RUFY2: variants seen among roughly 807,000 people sequenced by gnomAD.
The protein encoded by RUFY2 is RUN and FYVE domain containing 2, also known as RUN and FYVE domain-containing protein 2.
Under a neutral mutation model 94.4 loss-of-function variants are expected in RUFY2, and 49 were observed. That is an observed-to-expected ratio of 0.52 (90% CI 0.41 to 0.66). The LOEUF is 0.66. Among genes scored for constraint, RUFY2 ranks in the 30% least tolerant of loss-of-function variants. The pLI is 0.00. For missense variants in RUFY2, 541 were observed against 692.8 expected, an observed-to-expected ratio of 0.78 and a Z score of 2.46; for synonymous variants, 255 against 235.7, an observed-to-expected ratio of 1.08 and a Z score of -0.75.
intron 16 of RUFY2, among the ~76,000 whole-genome samples, chr10:68,347,581 G>C (rs1195844569): frequency 1.3e-5 from 2 of 152,178 alleles, no homozygotes; most frequent in African/African-American, 4.8e-5. Context: ...ACCAGGCCCA[G>C]CCTACTTGAC....
chr10:68,355,451 A>G, intron 15 of RUFY2, 50 bp from the exon 16 acceptor site: 1 of 1,144,140 alleles, frequency 8.7e-7, no homozygotes, highest in South Asian at 1.3e-5. Context: ...ATTTAAATAT[A>G]GAACACTTAG....
intron 13 of RUFY2, among the ~76,000 whole-genome samples, chr10:68,370,138 A>C (rs2048155579): frequency 6.6e-6 from 1 of 152,058 alleles, no homozygotes; most frequent in African/African-American, 2.4e-5. Context: ...ACAAAAAATT[A>C]GCCGGGCATG....
rs150777220 is a variant in RUFY2 at position 68,356,537 on chromosome 10, G to GA, written c.1551-1137dup. Among the ~76,000 whole-genome samples, 1,296 of 151,964 alleles carry GA rather than the reference G, an allele frequency of 8.5e-3. 18 individuals are homozygous for GA. Among genetic ancestry groups the GA allele is most frequent in the African/African-American group, 0.029 (1,212 of 41,480 alleles). ...CAACAAAAAAGAAAATACTGTGGAAGACACAGCTGCAAATACTTTCCCACT... is the reference window on the plus strand; with the variant it reads ...CAACAAAAAAGAAAATACTGTGGAAGAACACAGCTGCAAATACTTTCCCACT... On this transcript the variant is annotated intron_variant, in intron 15 of 17. Coordinates refer to ENST00000602465, the MANE Select transcript of RUFY2 (RefSeq NM_001330103.2).
intron 13 of RUFY2, among the ~76,000 whole-genome samples, chr10:68,372,636 T>C (rs2048359103): frequency 7.0e-6 from 1 of 143,532 alleles, no homozygotes; most frequent in Admixed American, 7.0e-5. Context: ...ACGGCTGTAA[T>C]CCCAGCACTT....
chr10:68,395,073 C>T (rs1277187166), intron 4 of RUFY2, among the ~76,000 whole-genome samples: 1 of 151,950 alleles, frequency 6.6e-6, no homozygotes, highest in African/African-American at 2.4e-5. Flanking sequence ...CACGGTGGCT[C>T]ACGCCTGTAA....
At chr10:68,349,283 A>AGAC (rs534327253) in intron 16 of RUFY2, among the ~76,000 whole-genome samples, 60 of 152,224 alleles carry the variant, frequency 3.9e-4, no homozygotes, top group East Asian at 3.7e-3. Context: ...TGGGAGACTG[A>AGAC]GACGGAAGGA....
chr10:68,396,529 G>A (rs544015558), intron 4 of RUFY2, among the ~76,000 whole-genome samples: 50 of 152,044 alleles, frequency 3.3e-4, no homozygotes, highest in African/African-American at 1.1e-3. Flanking sequence ...TAAACAAAGA[G>A]GAAGAAATGT....
intron 6 of RUFY2, chr10:68,393,728 C>CAA (rs1177351333): frequency 2.1e-3 from 491 of 232,798 alleles, no homozygotes; most frequent in Middle Eastern, 6.1e-3. Context: ...GACTGTGTCT[C>CAA]AAAAAAAAAA....
At chr10:68,376,819 C>T (rs2048715196) in intron 13 of RUFY2, 34 bp downstream of exon 13, 1 of 1,595,934 alleles carries the variant, frequency 6.3e-7, no homozygotes, top group Non-Finnish European at 8.6e-7. Context: ...GTTATGTTAA[C>T]ACAAGTATTT....
intron 15 of RUFY2, among the ~76,000 whole-genome samples, chr10:68,358,694 T>C (rs1195487580): frequency 6.6e-6 from 1 of 152,162 alleles, no homozygotes; most frequent in Non-Finnish European, 1.5e-5. Context: ...ACGGATAACC[T>C]GAGGTCAGGA....
At position 68,394,141 on chromosome 10, in the gene RUFY2, A is replaced by G; in HGVS notation, c.523-5T>C. 6.7e-7 allele frequency: 1 copy of G among 1,486,704 alleles called. No homozygotes were observed. The highest frequency in any genetic ancestry group is 2.6e-5 in the Admixed American group (1 of 39,032). 92.1% of individuals were successfully genotyped at this position (1,486,704 alleles called of 1,614,324 possible). On this transcript the variant is annotated splice_region_variant and splice_polypyrimidine_tract_variant and intron_variant, in intron 5 of 17. Coordinates refer to ENST00000602465, the MANE Select transcript of RUFY2 (RefSeq NM_001330103.2). Reference sequence around the variant, plus strand: ...AGAAAAATCAATCACTCCAACCTGAAGTAAATAAAGTTTTTTTTAATTTAA... The same window carrying G: ...AGAAAAATCAATCACTCCAACCTGAGGTAAATAAAGTTTTTTTTAATTTAA...
rs1290003095 is a variant in RUFY2 at position 68,355,361 on chromosome 10, C to T, written c.1591G>A (p.Ala531Thr). ...KIEDIKEANK[A>T]LQGLVWLKDK... is the part of the protein sequence containing the mutation. ...GAAAACGTTCTACTCACCTGCAATG[C>T]TTTGTTGGCTTCTTTTATGTCTTCA... The change falls in exon 16 of 18, where the codon GCA becomes ACA. Residue 531 changes from alanine to threonine, a missense_variant. Around this residue, in one of 3 missense-constraint regions of RUFY2, gnomAD observed 403 missense variants for 480.7 expected, o/e 0.84. Transcript: ENST00000602465. 6.2e-7 allele frequency: 1 copy of T among 1,611,366 alleles called. No individual in the cohort carries two copies. The highest frequency in any genetic ancestry group is 8.5e-7 in the Non-Finnish European group (1 of 1,178,118).
intron 3 of RUFY2, among the ~76,000 whole-genome samples, chr10:68,400,869 C>T (rs941690489): frequency 3.8e-4 from 57 of 151,748 alleles, no homozygotes; most frequent in Non-Finnish European, 6.8e-4. Flanking sequence ...AAAAATTAGC[C>T]GGGCGTGGTG....
chr10:68,348,518 A>AG lies in RUFY2; in HGVS notation c.1600-2435dup, dbSNP rs543833278. Among the ~76,000 whole-genome samples the AG allele has an allele frequency of 8.9e-3, 1,227 of 138,066 alleles. 19 individuals carry two copies. Among genetic ancestry groups the AG allele is most frequent in the African/African-American group, 0.032 (1,108 of 34,168 alleles). 90.6% of individuals were successfully genotyped at this position (138,066 alleles called of 152,430 possible). On this transcript the variant is annotated intron_variant, in intron 16 of 17. Transcript: ENST00000602465. ...GGAAACAGAGGAAACTCTGTCTCTG[A>AG]GGGGAAAAAAAAAAAAAGGCAGCAG...
intron 7 of RUFY2, among the ~76,000 whole-genome samples, chr10:68,392,609 A>G (rs1213442566): frequency 6.6e-6 from 1 of 151,948 alleles, no homozygotes; most frequent in Non-Finnish European, 1.5e-5. Flanking sequence ...TTTAAATCTG[A>G]TGAAGATTCT....
At chr10:68,360,506 G>A (rs1205990861) in intron 15 of RUFY2, among the ~76,000 whole-genome samples, 1 of 152,066 alleles carries the variant, frequency 6.6e-6, no homozygotes, top group Non-Finnish European at 1.5e-5. Flanking sequence ...CACTTTGGGA[G>A]GCCGAGGCGG....
chr10:68,363,606 C>G lies in RUFY2; in HGVS notation c.1534G>C (p.Gly512Arg). 6.2e-7 allele frequency: 1 copy of G among 1,600,210 alleles called. No individual in the cohort carries two copies. Residue 512 changes from glycine to arginine, a missense_variant, in exon 15 of 18, where the codon GGC (glycine) becomes CGC (arginine). Physicochemically the swap from Gly to Arg is moderately radical, Grantham distance 125. This residue lies in a region of RUFY2 where 403 missense variants were observed against 480.7 expected (regional missense o/e 0.84). Coordinates refer to ENST00000602465, the MANE Select transcript of RUFY2 (RefSeq NM_001330103.2). ...AGAAATTACTCGCTAAGCTTGTTGCCGAGTTCTTGAAGAGCTTGCTCTTGT... is the reference window on the plus strand; with the variant it reads ...AGAAATTACTCGCTAAGCTTGTTGCGGAGTTCTTGAAGAGCTTGCTCTTGT... ...HEQEQALQEL[G>R]NKLSESKLKI...
intron 13 of RUFY2, among the ~76,000 whole-genome samples, chr10:68,370,161 T>C (rs376483321): frequency 3.9e-4 from 60 of 152,160 alleles, no homozygotes; most frequent in African/African-American, 1.4e-3. Flanking sequence ...GGTAAGTGCC[T>C]GTAATCCCAG....
intron 13 of RUFY2, among the ~76,000 whole-genome samples, chr10:68,374,779 T>G (rs1357690737): frequency 6.6e-6 from 1 of 152,174 alleles, no homozygotes; most frequent in Admixed American, 6.6e-5. Flanking sequence ...GGTTGTTTGT[T>G]CTTATTGTTG....
Sources: allele counts gnomAD v4.1 joint callset (sites outside exome capture counted in the v4.1 genomes callset), GRCh38; gene constraint gnomAD v4.1.1; regional missense constraint gnomAD v4.1.1; transcripts MANE v1.5; gene names NCBI Gene and HGNC (gene_info 2026-07-23, HGNC 2026-07-21).